Variants in GALNT18 observed in about 807,000 individuals in gnomAD.
GALNT18 encodes GalNAc-transferase 18.
A neutral mutation model predicts 69.5 loss-of-function variants in GALNT18; 44 were observed. The ratio of observed to expected loss-of-function variants is 0.63; its 90% confidence interval spans 0.50 to 0.81. GALNT18 has a LOEUF of 0.81. Ranked by LOEUF, GALNT18 falls within the 40% of genes least tolerant of loss-of-function variation. GALNT18 has a pLI of 0.00. For synonymous variants in GALNT18, 364 were observed against 318.2 expected (o/e 1.14, Z -1.53); for missense variants, 715 against 810.0 (o/e 0.88, Z 1.42).
intron 10 of GALNT18, among the ~76,000 whole-genome samples, chr11:11,279,890 G>A (rs1849032550): frequency 6.6e-6 from 1 of 151,776 alleles, no homozygotes; most frequent in Non-Finnish European, 1.5e-5. Context: ...ATGTATCCAT[G>A]TTCTTCAATT....
At chr11:11,308,196 T>C (rs1377135591) in intron 9 of GALNT18, among the ~76,000 whole-genome samples, 3 of 152,200 alleles carry the variant, frequency 2.0e-5, no homozygotes, top group Non-Finnish European at 4.4e-5. Flanking sequence ...CACCACTTCC[T>C]GGCGTGGCAG....
At chr11:11,419,206 G>A (rs1281459478) in intron 3 of GALNT18, among the ~76,000 whole-genome samples, 1 of 152,170 alleles carries the variant, frequency 6.6e-6, no homozygotes, top group African/African-American at 2.4e-5. Flanking sequence ...AGAAAAACTA[G>A]CCTTCTGTTA....
chr11:11,303,764 CCTGGGA>C (rs1243165447), intron 9 of GALNT18, among the ~76,000 whole-genome samples: 1 of 152,220 alleles, frequency 6.6e-6, no homozygotes, highest in Non-Finnish European at 1.5e-5. Context: ...ACCCTTCTGA[CCTGGGA>C]CTGTTTATGG....
At chr11:11,478,044 C>G (rs979479162) in intron 1 of GALNT18, among the ~76,000 whole-genome samples, 15 of 152,152 alleles carry the variant, frequency 9.9e-5, no homozygotes, top group African/African-American at 3.6e-4. Context: ...GCTTTATGCT[C>G]TCAGCAAAAC....
intron 1 of GALNT18, among the ~76,000 whole-genome samples, chr11:11,560,048 G>GGTGGAATAGA (rs1858440971): frequency 2.1e-5 from 3 of 145,940 alleles, no homozygotes; most frequent in Middle Eastern, 3.8e-3. Flanking sequence ...GATGGGATGG[G>GGTGGAATAGA]ATGGGATAGG....
rs1251509368 is a variant in GALNT18, at chr11:11,360,276, CCCCA to C, written c.1092+12235_1092+12238del. Reference sequence around the variant, plus strand: ...CCTCAACGGCACCTCCTGTGTGAAGCCCCACCTAACTTCCGCAGGTGGAGTGGTT... The same window carrying C: ...CCTCAACGGCACCTCCTGTGTGAAGCCCTAACTTCCGCAGGTGGAGTGGTT... On this transcript the variant is annotated intron_variant, in intron 6 of 10. Coordinates refer to ENST00000227756, the MANE Select transcript of GALNT18 (RefSeq NM_198516.3). Among the ~76,000 whole-genome samples, 9 of 152,350 alleles carry C rather than the reference CCCCA, an allele frequency of 5.9e-5. No individual in the cohort carries two copies. In the East Asian group the frequency reaches 1.7e-3, roughly 29 times the overall value.
chr11:11,411,913 C>T (rs935445375), intron 3 of GALNT18, among the ~76,000 whole-genome samples: 6 of 152,186 alleles, frequency 3.9e-5, no homozygotes, highest in South Asian at 2.1e-4. Flanking sequence ...ACACCCATAT[C>T]GGTCAGCCAC....
rs542609159 is a variant in GALNT18, at chr11:11,382,090, C to T, written c.596-2826G>A. 2.0e-4 allele frequency among the ~76,000 whole-genome samples: 30 copies of T among 152,286 alleles called. No homozygotes were observed. Among genetic ancestry groups the T allele is most frequent in the Admixed American group, 4.6e-4 (7 of 15,302 alleles). On this transcript the variant is annotated intron_variant, in intron 3 of 10. Coordinates refer to ENST00000227756, the MANE Select transcript of GALNT18 (RefSeq NM_198516.3). This position sits in a 1 kb window ranked among gnomAD's most constrained non-coding sequence, Gnocchi z 4.3. ...CTACTTGCCTCTTTGTACCTGCGAG[C>T]TCTGTTAACACTGAGCTAGAGTAAA...
At chr11:11,524,575 AG>A (rs1564993590) in intron 1 of GALNT18, among the ~76,000 whole-genome samples, 1 of 152,196 alleles carries the variant, frequency 6.6e-6, no homozygotes, top group Non-Finnish European at 1.5e-5. Context: ...TGTTCCAAAT[AG>A]GGATTGGTCC....
chr11:11,286,819 T>C (rs1272962127), intron 10 of GALNT18, among the ~76,000 whole-genome samples: 1 of 152,084 alleles, frequency 6.6e-6, no homozygotes, highest in Non-Finnish European at 1.5e-5. Flanking sequence ...ATTAAGAGTG[T>C]CATTCTCAAA....
intron 10 of GALNT18, among the ~76,000 whole-genome samples, chr11:11,273,014 C>T (rs769282963): frequency 1.1e-4 from 17 of 152,214 alleles, no homozygotes; most frequent in Non-Finnish European, 2.1e-4. Context: ...CCCTATCTCT[C>T]GCTATATATG....
intron 6 of GALNT18, among the ~76,000 whole-genome samples, chr11:11,363,427 A>G (rs1361853085): frequency 6.6e-6 from 1 of 152,180 alleles, no homozygotes; most frequent in Non-Finnish European, 1.5e-5. Flanking sequence ...TCTAAAGAAG[A>G]AATGCAAAAT....
intron 1 of GALNT18, among the ~76,000 whole-genome samples, chr11:11,492,283 T>C (rs1166034819): frequency 6.6e-6 from 1 of 152,204 alleles, no homozygotes; most frequent in East Asian, 1.9e-4. Context: ...GGTGCTGCCC[T>C]CTGGGTCACT....
At position 11,480,261 on chromosome 11, in the gene GALNT18, TC is replaced by T. The variant is rs538964040; in HGVS notation, c.236-31326del. On this transcript the variant is annotated intron_variant, in intron 1 of 10. Coordinates refer to ENST00000227756, the MANE Select transcript of GALNT18 (RefSeq NM_198516.3). The surrounding 1 kb of genome is among the most constrained non-coding windows in gnomAD (Gnocchi z 4.6). ...CTTTCTTCCTTCCTTCCTCTCTCTC[TC>T]TCTTTCTCTCTCTCTCGCCCCCCTC... Among the ~76,000 whole-genome samples, 898 of 152,122 alleles carry T rather than the reference TC, an allele frequency of 5.9e-3. 9 individuals are homozygous for T. The highest frequency in any genetic ancestry group is 0.021 in the African/African-American group (858 of 41,498).
At chr11:11,610,250 A>C (rs2133961377) in intron 1 of GALNT18, among the ~76,000 whole-genome samples, 1 of 152,332 alleles carries the variant, frequency 6.6e-6, no homozygotes, top group Middle Eastern at 3.4e-3. Flanking sequence ...GAGCAGAAAA[A>C]CAAGAGGGCC....
In GALNT18 at chr11:11,564,402, C is replaced by T. The variant is rs1216060503; in HGVS notation, c.235+56957G>A. Among the ~76,000 whole-genome samples, 4 of 152,208 alleles carry T rather than the reference C, an allele frequency of 2.6e-5. No homozygotes were observed. Among genetic ancestry groups the T allele is most frequent in the Non-Finnish European group, 4.4e-5 (3 of 68,036 alleles). ...CGGAAGGATTCCAGGCAAGTGCTCACTCAGAAGAGCAGAACTAGAATGCAC... is the reference window on the plus strand; with the variant it reads ...CGGAAGGATTCCAGGCAAGTGCTCATTCAGAAGAGCAGAACTAGAATGCAC... On this transcript the variant is annotated intron_variant, in intron 1 of 10. Coordinates refer to ENST00000227756, the MANE Select transcript of GALNT18 (RefSeq NM_198516.3). This position sits in a 1 kb window ranked among gnomAD's most constrained non-coding sequence, Gnocchi z 4.3.
At chr11:11,481,574 C>A (rs192759308) in intron 1 of GALNT18, among the ~76,000 whole-genome samples, 1 of 152,222 alleles carries the variant, frequency 6.6e-6, no homozygotes, top group Non-Finnish European at 1.5e-5. Context: ...TCCCGGCAGT[C>A]ATCAGCTCAT....
intron 1 of GALNT18, among the ~76,000 whole-genome samples, chr11:11,491,501 G>A (rs918252151): frequency 2.0e-5 from 3 of 152,186 alleles, no homozygotes; most frequent in Admixed American, 6.5e-5. Flanking sequence ...GCTCAAAGGA[G>A]CAAACTCCTG....
At chr11:11,379,615 G>C (rs939840217) in intron 3 of GALNT18, among the ~76,000 whole-genome samples, 1 of 152,218 alleles carries the variant, frequency 6.6e-6, no homozygotes, top group Non-Finnish European at 1.5e-5. Context: ...GAGTGGCACA[G>C]TCCACTTTCA....
Sources: allele counts gnomAD v4.1 joint callset (sites outside exome capture counted in the v4.1 genomes callset), GRCh38; gene constraint gnomAD v4.1.1; non-coding constraint Gnocchi (gnomAD v3.1); transcripts MANE v1.5; gene names NCBI Gene and HGNC (gene_info 2026-07-23, HGNC 2026-07-21).